MARCHF1: variants seen among roughly 807,000 people sequenced by gnomAD.
MARCHF1 encodes the protein E3 ubiquitin-protein ligase MARCHF1.
Under a neutral mutation model 54.2 loss-of-function variants are expected in MARCHF1, and 40 were observed. The ratio of observed to expected loss-of-function variants is 0.74; its 90% CI spans 0.57 to 0.96. The LOEUF is 0.96. MARCHF1 is among the 40% of genes least tolerant of loss of function. The pLI, the probability that MARCHF1 is intolerant of heterozygous loss-of-function variation, is 0.00. For synonymous variants in MARCHF1, 236 were observed against 236.3 expected, an observed-to-expected ratio of 1.00 and a Z score of 0.01; for missense variants, 586 against 656.5, an observed-to-expected ratio of 0.89 and a Z score of 1.17.
At chr4:164,173,384 G>C (rs1364980212) in intron 1 of MARCHF1, among the ~76,000 whole-genome samples, 2 of 152,170 alleles carry the variant, frequency 1.3e-5, no homozygotes, top group African/African-American at 4.8e-5. Flanking sequence ...GAGTGAGGTT[G>C]ACTACTTGTA....
At chr4:164,273,337 G>T (rs1733789533) in intron 1 of MARCHF1, among the ~76,000 whole-genome samples, 1 of 152,098 alleles carries the variant, frequency 6.6e-6, no homozygotes, top group African/African-American at 2.4e-5. Context: ...ACTATCACAA[G>T]AAGAGCACGG....
intron 3 of MARCHF1, among the ~76,000 whole-genome samples, chr4:163,878,656 C>T (rs1750346525): frequency 6.6e-6 from 1 of 152,064 alleles, no homozygotes. Flanking sequence ...GTAGGGGACT[C>T]TCCCTTAACC....
intron 4 of MARCHF1, among the ~76,000 whole-genome samples, chr4:163,808,485 C>T (rs1748289625): frequency 6.6e-6 from 1 of 152,098 alleles, no homozygotes; most frequent in Non-Finnish European, 1.5e-5. Flanking sequence ...TCAGAAAAAG[C>T]ATAGGTAAAA....
At position 164,211,399 on chromosome 4, in the gene MARCHF1, T is replaced by C. The variant is rs767123854; in HGVS notation, c.-322-99737A>G. Among the ~76,000 whole-genome samples, 128 of 148,028 alleles carry C rather than the reference T, an allele frequency of 8.6e-4. 1 individual carries two copies. The highest frequency in any genetic ancestry group is 2.6e-3 in the East Asian group (13 of 5,094). ...ATTTGTATATATATACACACACACA[T>C]ATATATATATATACCAATTGCATAA... On this transcript the variant is annotated intron_variant, in intron 1 of 9. Transcript: ENST00000514618.
chr4:163,539,055 C>CT (rs1738634644), intron 9 of MARCHF1, among the ~76,000 whole-genome samples: 1 of 150,956 alleles, frequency 6.6e-6, no homozygotes, highest in Non-Finnish European at 1.5e-5. Flanking sequence ...AGTCTTGCTT[C>CT]TGTCACCCAA....
chr4:163,567,752 T>G (rs1219165936), intron 8 of MARCHF1, among the ~76,000 whole-genome samples: 11 of 152,212 alleles, frequency 7.2e-5, no homozygotes, highest in Non-Finnish European at 1.5e-4. Flanking sequence ...CTCTTTCTTT[T>G]GTAAATTGCT....
At chr4:163,804,837 C>T (rs1295517872) in intron 4 of MARCHF1, among the ~76,000 whole-genome samples, 1 of 152,120 alleles carries the variant, frequency 6.6e-6, no homozygotes, top group Non-Finnish European at 1.5e-5. Context: ...ATCTCTCTCA[C>T]CTGTCTTCAT....
chr4:163,915,807 C>T lies in MARCHF1; in HGVS notation c.-38-61638G>A, dbSNP rs528848064. 2.6e-5 allele frequency among the ~76,000 whole-genome samples: 4 copies of T among 152,148 alleles called. No individual in the cohort carries two copies. In the South Asian group the frequency reaches 6.2e-4, roughly 24 times the overall value. ...GTTGTTGTTAGAGCAGTCTTGGGAC[C>T]CTTAAATAGTCAGGTAGTAAGATCG... On this transcript the variant is annotated intron_variant, in intron 3 of 9. Coordinates refer to ENST00000514618, the MANE Select transcript of MARCHF1 (RefSeq NM_001394959.1).
At chr4:163,689,031 A>G (rs964526606) in intron 5 of MARCHF1, among the ~76,000 whole-genome samples, 1 of 152,098 alleles carries the variant, frequency 6.6e-6, no homozygotes, top group Non-Finnish European at 1.5e-5. Flanking sequence ...GCACCACAAA[A>G]CCATGTTATT....
chr4:163,635,898 G>C (rs2111012383), intron 5 of MARCHF1, among the ~76,000 whole-genome samples: 1 of 152,234 alleles, frequency 6.6e-6, no homozygotes, highest in East Asian at 1.9e-4. Flanking sequence ...TATCCACCAT[G>C]ATCAAGTGGG....
chr4:164,281,872 A>T lies in MARCHF1; in HGVS notation c.-323+101998T>A, dbSNP rs139108565. 1.8e-3 allele frequency among the ~76,000 whole-genome samples: 271 copies of T among 152,132 alleles called. 1 individual carries two copies. The highest frequency in any genetic ancestry group is 6.1e-3 in the African/African-American group (252 of 41,516). On this transcript the variant is annotated intron_variant, in intron 1 of 9. Coordinates refer to ENST00000514618, the MANE Select transcript of MARCHF1 (RefSeq NM_001394959.1). ...CAGCGTGTCCTTCTTCTAACAAATG[A>T]CTTGAACTCATTATAAAATGTCCCT...
intron 1 of MARCHF1, among the ~76,000 whole-genome samples, chr4:164,239,016 G>A (rs1037099121): frequency 1.3e-5 from 2 of 151,988 alleles, no homozygotes; most frequent in African/African-American, 4.8e-5. Context: ...TCTGTATAGT[G>A]AATACCTATG....
At chr4:164,029,424 C>T (rs1192520354) in intron 2 of MARCHF1, among the ~76,000 whole-genome samples, 1 of 152,010 alleles carries the variant, frequency 6.6e-6, no homozygotes, top group Non-Finnish European at 1.5e-5. Flanking sequence ...AATCTGCCCC[C>T]ATGATCCAAT....
At chr4:163,948,502 T>G (rs1042079689) in intron 3 of MARCHF1, among the ~76,000 whole-genome samples, 1 of 152,226 alleles carries the variant, frequency 6.6e-6, no homozygotes, top group African/African-American at 2.4e-5. Context: ...AGTATGTGAT[T>G]AGTCATCAGG....
In MARCHF1 at chr4:164,060,122, T is replaced by C. The variant is rs115872393; in HGVS notation, c.-248+51466A>G. On this transcript the variant is annotated intron_variant, in intron 2 of 9. Transcript: ENST00000514618. ...TTCTGAGTCACAGTCTACCAAATTGTTGTTTTGTACAAGCAAATGACAATT... is the reference window on the plus strand; with the variant it reads ...TTCTGAGTCACAGTCTACCAAATTGCTGTTTTGTACAAGCAAATGACAATT... Among the ~76,000 whole-genome samples the C allele has an allele frequency of 5.2e-3, 788 of 152,240 alleles. 4 individuals are homozygous for C. The highest frequency in any genetic ancestry group is 7.3e-3 in the Non-Finnish European group (499 of 67,944).
At chr4:163,727,923 G>A (rs1250639755) in intron 4 of MARCHF1, among the ~76,000 whole-genome samples, 1 of 152,108 alleles carries the variant, frequency 6.6e-6, no homozygotes, top group East Asian at 1.9e-4. Context: ...CTGGGTTCAA[G>A]TGATCCTCCC....
intron 4 of MARCHF1, among the ~76,000 whole-genome samples, chr4:163,730,618 G>T (rs1335017211): frequency 2.0e-5 from 3 of 152,040 alleles, no homozygotes; most frequent in African/African-American, 7.2e-5. Flanking sequence ...TGCACAACGT[G>T]CAGGTTTGTT....
chr4:164,072,278 G>A (rs903097345), intron 2 of MARCHF1, among the ~76,000 whole-genome samples: 8 of 152,134 alleles, frequency 5.3e-5, no homozygotes, highest in Non-Finnish European at 1.2e-4. Flanking sequence ...GTGTTGTTTA[G>A]TACATAATGT....
intron 4 of MARCHF1, among the ~76,000 whole-genome samples, chr4:163,800,258 G>A (rs1240346637): frequency 6.6e-6 from 1 of 151,908 alleles, no homozygotes; most frequent in Admixed American, 6.6e-5. Context: ...TGTACTCCTT[G>A]AGTCTAAAAT....
Sources: gnomAD v4.1 joint callset for allele counts (sites outside exome capture counted in the v4.1 genomes callset) on GRCh38, gnomAD v4.1.1 for gene constraint, MANE v1.5 for transcripts, NCBI Gene and HGNC (gene_info 2026-07-23, HGNC 2026-07-21) for gene names.